WARS2: variants seen among roughly 807,000 people sequenced by gnomAD.
WARS2 encodes tryptophanyl tRNA synthetase 2, mitochondrial.
WARS2 carries 28 observed loss-of-function variants against 36.5 expected under a neutral mutation model. The observed-to-expected ratio is 0.77, with a 90% CI of 0.57 to 1.05. The LOEUF is 1.05. Ranked by LOEUF, WARS2 falls within the 50% of genes least tolerant of loss-of-function variation. The pLI, the probability that WARS2 is intolerant of heterozygous loss-of-function variation, is 0.00. For synonymous variants in WARS2, 174 were observed against 178.4 expected (o/e 0.98, Z 0.20); for missense variants, 435 against 456.8 (o/e 0.95, Z 0.44).
intron 1 of WARS2, among the ~76,000 whole-genome samples, chr1:119,123,772 T>G (rs912972568): frequency 6.6e-6 from 1 of 152,130 alleles, no homozygotes; most frequent in Non-Finnish European, 1.5e-5. Flanking sequence ...GGCTTAGTAC[T>G]TGAACCACCC....
intron 2 of WARS2, among the ~76,000 whole-genome samples, chr1:119,057,396 G>C (rs565357812): frequency 6.6e-6 from 1 of 151,404 alleles, no homozygotes; most frequent in South Asian, 2.1e-4. Context: ...CTCCCTCCTC[G>C]GCCTTCCAAA....
intron 1 of WARS2, among the ~76,000 whole-genome samples, chr1:119,109,256 T>G (rs915872084): frequency 3.9e-5 from 6 of 152,006 alleles, no homozygotes; most frequent in Non-Finnish European, 8.8e-5. Context: ...TTGAGTTCTA[T>G]GGCCTTACTA....
At chr1:119,046,591 C>T (rs1370464957) in intron 2 of WARS2, among the ~76,000 whole-genome samples, 1 of 151,326 alleles carries the variant, frequency 6.6e-6, no homozygotes, top group Non-Finnish European at 1.5e-5. Context: ...CTCCTGACCT[C>T]GTGATCCACC....
At chr1:119,137,303 G>T (rs1462083301) in intron 1 of WARS2, among the ~76,000 whole-genome samples, 2 of 152,092 alleles carry the variant, frequency 1.3e-5, no homozygotes, top group African/African-American at 2.4e-5. Context: ...TTTAAATCTT[G>T]TGAGAATTAA....
At chr1:119,115,716 G>C (rs1414703804) in intron 1 of WARS2, among the ~76,000 whole-genome samples, 1 of 152,154 alleles carries the variant, frequency 6.6e-6, no homozygotes, top group African/African-American at 2.4e-5. Context: ...ACTAAACCAT[G>C]AATGTGGTAA....
At chr1:119,078,892 G>A (rs1478628376) in intron 1 of WARS2, among the ~76,000 whole-genome samples, 3 of 146,862 alleles carry the variant, frequency 2.0e-5, no homozygotes, top group African/African-American at 7.3e-5. Flanking sequence ...AGTTATGAAG[G>A]TGCACGTGTG....
chr1:119,049,923 G>A (rs960979817), intron 2 of WARS2, among the ~76,000 whole-genome samples: 2 of 152,192 alleles, frequency 1.3e-5, no homozygotes, highest in East Asian at 3.9e-4. Context: ...TTCCACTCTA[G>A]CTCCCTACAG....
chr1:119,058,210 C>A (rs1650003689), intron 2 of WARS2, among the ~76,000 whole-genome samples: 1 of 152,038 alleles, frequency 6.6e-6, no homozygotes, highest in African/African-American at 2.4e-5. Context: ...ACACCCTCTG[C>A]TGAAAAGACT....
At chr1:119,077,075 C>T (rs1571324105) in intron 1 of WARS2, among the ~76,000 whole-genome samples, 1 of 128,002 alleles carries the variant, frequency 7.8e-6, no homozygotes, top group East Asian at 2.5e-4. Context: ...GAGGTGGAGG[C>T]TGCAGTGAGC....
intron 1 of WARS2, among the ~76,000 whole-genome samples, chr1:119,128,459 C>T (rs1316745): frequency 0.51 from 76,963 of 151,590 alleles, 20,631 homozygotes; most frequent in East Asian, 0.84. Context: ...GATCTACACT[C>T]TAATGATTCT....
At chr1:119,124,766 C>T (rs587704956) in intron 1 of WARS2, among the ~76,000 whole-genome samples, 3 of 152,292 alleles carry the variant, frequency 2.0e-5, no homozygotes, top group Admixed American at 6.5e-5. Context: ...CTTCCCATGA[C>T]TTCCCAGTTT....
At chr1:119,123,336 A>G (rs587766771) in intron 1 of WARS2, among the ~76,000 whole-genome samples, 2 of 152,270 alleles carry the variant, frequency 1.3e-5, no homozygotes, top group South Asian at 4.1e-4. Context: ...CATACTGGAG[A>G]TGGATCTTTG....
intron 1 of WARS2, among the ~76,000 whole-genome samples, chr1:119,139,331 A>G (rs1656764211): frequency 6.6e-6 from 1 of 152,220 alleles, no homozygotes. Context: ...ACATTAATAA[A>G]AAACGGAAGT....
At chr1:119,070,112 G>C (rs998240798) in intron 2 of WARS2, among the ~76,000 whole-genome samples, 1 of 152,146 alleles carries the variant, frequency 6.6e-6, no homozygotes, top group Admixed American at 6.5e-5. Flanking sequence ...ACTGCTCAAA[G>C]ATAATTTTAA....
chr1:119,105,051 T>C (rs140767649), intron 1 of WARS2, among the ~76,000 whole-genome samples: 11 of 152,302 alleles, frequency 7.2e-5, no homozygotes, highest in Non-Finnish European at 1.5e-4. Context: ...AGGAAAATCA[T>C]TGCAGGAGCA....
At chr1:119,103,727 C>T (rs969474927) in intron 1 of WARS2, among the ~76,000 whole-genome samples, 2 of 151,468 alleles carry the variant, frequency 1.3e-5, no homozygotes, top group Admixed American at 6.6e-5. Flanking sequence ...CTTCATATTA[C>T]CCCTAAATAA....
intron 1 of WARS2, among the ~76,000 whole-genome samples, chr1:119,121,113 T>C (rs587716414): frequency 2.0e-5 from 3 of 152,222 alleles, no homozygotes; most frequent in African/African-American, 7.2e-5. Context: ...CTGTTGCTCT[T>C]TGGCAATGAT....
chr1:119,062,812 C>A, intron 2 of WARS2: 1 of 157,452 alleles, frequency 6.4e-6, no homozygotes, highest in South Asian at 2.0e-4. Context: ...CCTCCCCAGC[C>A]ATGCGGAACT....
chr1:119,120,378 A>C (rs1276185696), intron 1 of WARS2, among the ~76,000 whole-genome samples: 1 of 151,930 alleles, frequency 6.6e-6, no homozygotes, highest in African/African-American at 2.4e-5. Context: ...CTTAAAAAAA[A>C]ATAACAAGTA....
Sources: gnomAD v4.1 joint callset for allele counts (sites outside exome capture counted in the v4.1 genomes callset) on GRCh38, gnomAD v4.1.1 for gene constraint, MANE v1.5 for transcripts, NCBI Gene and HGNC (gene_info 2026-07-23, HGNC 2026-07-21) for gene names.